BAG4: variants seen among roughly 807,000 people sequenced by gnomAD.
BAG4 encodes the protein BAG cochaperone 4.
BAG4 carries 28 observed loss-of-function variants against 52.1 expected under a neutral mutation model. The ratio of observed to expected loss-of-function variants is 0.54; its 90% CI spans 0.40 to 0.74. The LOEUF (loss-of-function observed/expected upper bound fraction) is 0.74, where lower values mean the gene tolerates loss of function less well. Among genes scored for constraint, BAG4 ranks in the 30% least tolerant of loss-of-function variants. The pLI is 0.00. For synonymous variants in BAG4, 208 were observed against 217.0 expected (o/e 0.96, Z 0.37); for missense variants, 525 against 572.0 (o/e 0.92, Z 0.84).
rs1803888234 is a variant in BAG4, at chr8:38,213,000, GA to G, written c.*2508del. ...TTTTTAACTATAATAAGATATTCAG[GA>G]TAAGTATAGATTTAGAACTTAAAGA... On this transcript the variant is annotated 3_prime_UTR_variant, in exon 5 of 5. Transcript: ENST00000287322. The G allele has an allele frequency of 6.6e-6, 1 of 152,116 alleles. No homozygotes were observed. The highest frequency in any genetic ancestry group is 2.4e-5 in the African/African-American group (1 of 41,404). 9.4% of individuals were successfully genotyped at this position (152,116 alleles called of 1,614,324 possible).
rs1363895754 is a variant in BAG4, at chr8:38,213,142, T to C, written c.*2649T>C. 6.6e-6 allele frequency: 1 copy of C among 152,182 alleles called. No individual in the cohort carries two copies. The highest frequency in any genetic ancestry group is 1.5e-5 in the Non-Finnish European group (1 of 68,028). The allele number at this position is 152,182 out of a possible 1,614,324, so 9.4% of individuals were successfully genotyped here. A position where few individuals can be genotyped will look rare whatever the true frequency, so the allele number is the denominator to read the frequency against. On this transcript the variant is annotated 3_prime_UTR_variant, in exon 5 of 5. Transcript: ENST00000287322. ...AAAATAGTATTTATGATTTGTAGAA[T>C]TGGTTCAACTTTTGACTTAATACTG... is the stretch of plus-strand genomic sequence containing the variant.
intron 1 of BAG4, among the ~76,000 whole-genome samples, chr8:38,187,994 G>T (rs1803393323): frequency 1.5e-5 from 2 of 133,990 alleles, no homozygotes; most frequent in South Asian, 4.5e-4. Context: ...CCGAGATCGT[G>T]CCACTGCACT....
rs1803791648 is a variant in BAG4, at chr8:38,207,553, C to T, written c.420C>T (p.Tyr140=). Reference sequence around the variant, plus strand: ...CAAATGGAGCGTATGGTCCAACATACCCCCCAGGCCCTGGGGCAAATACTG... The same window carrying T: ...CAAATGGAGCGTATGGTCCAACATATCCCCCAGGCCCTGGGGCAAATACTG... The part of the protein sequence containing the change: ...SYTNGAYGPT[Y]PPGPGANTAS... Residue 140 remains tyrosine, a synonymous_variant, in exon 3 of 5, where the codon TAC becomes TAT. Coordinates refer to ENST00000287322, the MANE Select transcript of BAG4 (RefSeq NM_004874.4). The T allele has an allele frequency of 4.3e-6, 7 of 1,613,132 alleles. No homozygotes were observed. The highest frequency in any genetic ancestry group is 2.5e-6 in the Non-Finnish European group (3 of 1,179,366).
intron 3 of BAG4, among the ~76,000 whole-genome samples, chr8:38,208,600 C>T (rs940016748): frequency 1.3e-5 from 2 of 152,150 alleles, no homozygotes; most frequent in Non-Finnish European, 2.9e-5. Flanking sequence ...CGTGAGCCAC[C>T]GCGCCTGGCC....
chr8:38,183,440 T>G (rs933192579), intron 1 of BAG4, among the ~76,000 whole-genome samples: 5 of 152,174 alleles, frequency 3.3e-5, no homozygotes, highest in African/African-American at 1.2e-4. Flanking sequence ...TAGATTCTTC[T>G]GAGTAAAACA....
intron 1 of BAG4, among the ~76,000 whole-genome samples, chr8:38,188,431 ATGTT>A (rs1193054524): frequency 6.6e-6 from 1 of 151,820 alleles, no homozygotes; most frequent in Non-Finnish European, 1.5e-5. Context: ...GAAAAGATAA[ATGTT>A]TGAGGTGTCA....
At chr8:38,203,473 CAG>C (rs1463459644) in intron 2 of BAG4, among the ~76,000 whole-genome samples, 1 of 151,884 alleles carries the variant, frequency 6.6e-6, no homozygotes, top group Non-Finnish European at 1.5e-5. Flanking sequence ...TTAGTAGAGA[CAG>C]GGTTTCACCG....
chr8:38,207,593 G>A lies in BAG4; in HGVS notation c.460G>A (p.Ala154Thr), dbSNP rs751745986. The A allele has an allele frequency of 6.8e-6, 11 of 1,613,788 alleles. No individual in the cohort carries two copies. Among genetic ancestry groups the A allele is most frequent in the African/African-American group, 1.3e-5 (1 of 74,854 alleles). Residue 154 changes from alanine (A) to threonine (T), a missense_variant, in exon 3 of 5, where the codon GCT becomes ACT. Ala to Thr is a moderately conservative substitution (Grantham distance 58). Coordinates refer to ENST00000287322, the MANE Select transcript of BAG4 (RefSeq NM_004874.4). ...PGANTASYSG[A>T]YYAPGYTQTS... ...GGCAAATACTGCCTCATACTCAGGGGCTTATTATGCACCTGGTTATACTCA... is the reference window on the plus strand; with the variant it reads ...GGCAAATACTGCCTCATACTCAGGGACTTATTATGCACCTGGTTATACTCA...
chr8:38,180,294 A>G (rs1416207559), intron 1 of BAG4, among the ~76,000 whole-genome samples: 1 of 152,094 alleles, frequency 6.6e-6, no homozygotes, highest in Admixed American at 6.5e-5. Context: ...AGGCTGAGGC[A>G]GGTGGATCAC....
chr8:38,210,333 C>A lies in BAG4; in HGVS notation c.1214C>A (p.Thr405Lys). 1 of 1,614,130 alleles carries A rather than the reference C, an allele frequency of 6.2e-7. No homozygotes were observed. The highest frequency in any genetic ancestry group is 8.5e-7 in the Non-Finnish European group (1 of 1,180,032). The change falls in exon 5 of 5, where the codon ACA becomes AAA. Residue 405 changes from threonine (T) to lysine (K), a missense_variant. Physicochemically the swap from Thr to Lys is moderately conservative, Grantham distance 78. This residue lies in a region of BAG4 where 238 missense variants were observed against 305.8 expected (regional missense o/e 0.78). Transcript: ENST00000287322. Reference protein sequence around the residue: ...QEVEEFVGKKTDKAYWLLEEM... With the variant: ...QEVEEFVGKKKDKAYWLLEEM... ...GTAGAAGAATTTGTAGGAAAAAAGA[C>A]AGACAAAGCATACTGGCTTCTGGAA...
At chr8:38,198,127 G>A (rs1311798305) in intron 2 of BAG4, among the ~76,000 whole-genome samples, 2 of 151,968 alleles carry the variant, frequency 1.3e-5, no homozygotes, top group African/African-American at 4.8e-5. Context: ...GCTCACTCCT[G>A]TAATCCTAGC....
chr8:38,180,522 CAAAAAAAAAAAAAAAAA>C (rs1161178024), intron 1 of BAG4, among the ~76,000 whole-genome samples: 1 of 26,492 alleles, frequency 3.8e-5, no homozygotes, highest in Non-Finnish European at 7.7e-5. Flanking sequence ...GACTCCGTCT[CAAAAAAAAAAAAAAAAA>C]AAAAAAAAAG....
chr8:38,212,626 G>A lies in BAG4; in HGVS notation c.*2133G>A, dbSNP rs1422731329. 1.3e-5 allele frequency: 2 copies of A among 152,158 alleles called. No individual in the cohort carries two copies. Among genetic ancestry groups the A allele is most frequent in the Admixed American group, 1.3e-4 (2 of 15,274 alleles). 9.4% of individuals were successfully genotyped at this position (152,158 alleles called of 1,614,324 possible). A position where few individuals can be genotyped will look rare whatever the true frequency, so the allele number is the denominator to read the frequency against. On this transcript the variant is annotated 3_prime_UTR_variant, in exon 5 of 5. Transcript: ENST00000287322. Reference sequence around the variant, plus strand: ...CATTTAGCTATCATGCCTACGTCCTGTCTTCCAGTCTGTGACAGTGTATCA... The same window carrying A: ...CATTTAGCTATCATGCCTACGTCCTATCTTCCAGTCTGTGACAGTGTATCA...
intron 2 of BAG4, among the ~76,000 whole-genome samples, chr8:38,193,173 C>T (rs2130674887): frequency 6.6e-6 from 1 of 152,110 alleles, no homozygotes; most frequent in African/African-American, 2.4e-5. Flanking sequence ...AATCCCAGCA[C>T]TTTGGGAGAC....
chr8:38,201,970 G>T (rs1358641677), intron 2 of BAG4: 1 of 138,428 alleles, frequency 7.2e-6, no homozygotes, highest in Non-Finnish European at 1.5e-5. Context: ...AGCCTGCCAT[G>T]TGCCAGGTGC....
At chr8:38,203,851 AAAG>A in intron 2 of BAG4, 1 of 157,784 alleles carries the variant, frequency 6.3e-6, no homozygotes, top group Non-Finnish European at 1.4e-5. Flanking sequence ...AAAAAAAAAA[AAAG>A]TCCTTGTGAT....
At chr8:38,209,398 G>A in intron 4 of BAG4, 131 bp downstream of exon 4, 1 of 1,211,354 alleles carries the variant, frequency 8.3e-7, no homozygotes, top group Non-Finnish European at 1.1e-6. Flanking sequence ...CTTATCTATA[G>A]CTTTACCTCA....
chr8:38,201,880 A>AT lies in BAG4; in HGVS notation c.379-5603dup, dbSNP rs869085692. The AT allele has an allele frequency of 5.6e-3, 42 of 7,544 alleles. 2 individuals are homozygous for AT. The highest frequency in any genetic ancestry group is 7.1e-3 in the Non-Finnish European group (32 of 4,530). The allele number at this position is 7,544 out of a possible 1,614,324, so 0.5% of individuals were successfully genotyped here. A position where few individuals can be genotyped will look rare whatever the true frequency, so the allele number is the denominator to read the frequency against. On this transcript the variant is annotated intron_variant, in intron 2 of 4. Coordinates refer to ENST00000287322, the MANE Select transcript of BAG4 (RefSeq NM_004874.4). ...TATATATATATATATATATATATATATTTTTTTTTTTTTTTTTTTTTTTTT... is the reference window on the plus strand; with the variant it reads ...TATATATATATATATATATATATATATTTTTTTTTTTTTTTTTTTTTTTTTT...
At chr8:38,209,950 A>G in intron 4 of BAG4, 58 bp from the exon 5 acceptor site, 1 of 1,560,772 alleles carries the variant, frequency 6.4e-7, no homozygotes, top group Non-Finnish European at 8.7e-7. Flanking sequence ...AACAAATTTG[A>G]TGTTGATGCA....
Sources: allele counts gnomAD v4.1 joint callset (sites outside exome capture counted in the v4.1 genomes callset), GRCh38; gene constraint gnomAD v4.1.1; regional missense constraint gnomAD v4.1.1; transcripts MANE v1.5; gene names NCBI Gene and HGNC (gene_info 2026-07-23, HGNC 2026-07-21).